KITLG: variants seen among roughly 807,000 people sequenced by gnomAD.
The protein encoded by KITLG is KIT ligand.
KITLG carries 13 observed loss-of-function variants against 34.1 expected under a neutral mutation model. The observed-to-expected ratio is 0.38, with a 90% CI of 0.25 to 0.61. The LOEUF is 0.61. Ranked by LOEUF, KITLG falls within the 20% of genes least tolerant of loss-of-function variation. The probability of loss-of-function intolerance (pLI) is 0.60; values close to 1 mark genes in which losing one functional copy is unlikely to be tolerated. For missense variants in KITLG, 292 were observed against 318.9 expected (o/e 0.92, Z 0.64); for synonymous variants, 110 against 104.0 (o/e 1.06, Z -0.35).
At chr12:88,505,414 A>T (rs1242419383) in intron 8 of KITLG, among the ~76,000 whole-genome samples, 179 bp from the exon 9 acceptor site, 1 of 152,168 alleles carries the variant, frequency 6.6e-6, no homozygotes, top group Non-Finnish European at 1.5e-5. Flanking sequence ...CATTTGTCTT[A>T]AGGTAGTCTT....
At chr12:88,498,827 T>C (rs919708548) in intron 9 of KITLG, among the ~76,000 whole-genome samples, 20 of 151,890 alleles carry the variant, frequency 1.3e-4, no homozygotes, top group Non-Finnish European at 2.4e-4. Context: ...TGAGCTGAGA[T>C]CACGCCACTG....
chr12:88,509,670 A>C (rs1172862500), intron 6 of KITLG, among the ~76,000 whole-genome samples: 1 of 152,166 alleles, frequency 6.6e-6, no homozygotes, highest in Non-Finnish European at 1.5e-5. Flanking sequence ...CCCATAGGTT[A>C]CTGAGCTTCA....
intron 1 of KITLG, among the ~76,000 whole-genome samples, chr12:88,573,045 G>A (rs182146664): frequency 8.5e-5 from 13 of 152,232 alleles, no homozygotes; most frequent in East Asian, 5.8e-4. Flanking sequence ...TTTCAGAAGC[G>A]TTAAATTGTA....
chr12:88,501,395 A>G (rs1868849659), intron 9 of KITLG, among the ~76,000 whole-genome samples: 1 of 152,160 alleles, frequency 6.6e-6, no homozygotes, highest in Admixed American at 6.6e-5. Flanking sequence ...TATTTTTTAA[A>G]TGTATAATTG....
chr12:88,573,018 C>A (rs1249013019), intron 1 of KITLG, among the ~76,000 whole-genome samples: 1 of 152,132 alleles, frequency 6.6e-6, no homozygotes. Context: ...AAAAGGAAAT[C>A]CCTAATGTGT....
intron 1 of KITLG, among the ~76,000 whole-genome samples, chr12:88,572,032 A>T (rs557344007): frequency 1.3e-4 from 20 of 152,186 alleles, no homozygotes; most frequent in Non-Finnish European, 2.5e-4. Flanking sequence ...TTTTGGCATG[A>T]TCTATTATCA....
At chr12:88,535,194 A>G (rs935016560) in intron 2 of KITLG, among the ~76,000 whole-genome samples, 1 of 152,178 alleles carries the variant, frequency 6.6e-6, no homozygotes, top group African/African-American at 2.4e-5. Context: ...ATATACAAAT[A>G]TTGGTTCAAA....
rs571743718 is a variant in KITLG, at chr12:88,533,564, T to A, written c.130-1061A>T. The stretch of plus-strand genomic sequence containing the variant: ...GTCACCATTAAAATTCCCAGATGAA[T>A]AATTTAGCCAACAACTGACTTAGAC... On this transcript the variant is annotated intron_variant, in intron 2 of 9. Coordinates refer to ENST00000644744, the MANE Select transcript of KITLG (RefSeq NM_000899.5). 9.9e-5 allele frequency among the ~76,000 whole-genome samples: 15 copies of A among 152,148 alleles called. 1 individual carries two copies. The highest frequency in any genetic ancestry group is 1.8e-4 in the Non-Finnish European group (12 of 68,030).
At chr12:88,537,976 C>A (rs1163552789) in intron 2 of KITLG, among the ~76,000 whole-genome samples, 1 of 152,142 alleles carries the variant, frequency 6.6e-6, no homozygotes, top group African/African-American at 2.4e-5. Context: ...AAGTCTTGGG[C>A]AAGTCACTTC....
At position 88,495,724 on chromosome 12, in the gene KITLG, A is replaced by G. The variant is rs187728946; in HGVS notation, c.*1495T>C. The G allele has an allele frequency of 6.6e-6, 1 of 152,498 alleles. No individual in the cohort carries two copies. Among genetic ancestry groups the G allele is most frequent in the Non-Finnish European group, 1.5e-5 (1 of 68,006 alleles). 9.4% of individuals were successfully genotyped at this position (152,498 alleles called of 1,614,324 possible). A position where few individuals can be genotyped will look rare whatever the true frequency, so the allele number is the denominator to read the frequency against. ...ATGCCCTTTTGTGTCACTACATTGA[A>G]AACTGTCATCTTACGGTTGTAGAAC... On this transcript the variant is annotated 3_prime_UTR_variant, in exon 10 of 10. Transcript: ENST00000644744.
At chr12:88,533,564 T>C (rs571743718) in intron 2 of KITLG, among the ~76,000 whole-genome samples, 1 of 152,150 alleles carries the variant, frequency 6.6e-6, no homozygotes, top group Non-Finnish European at 1.5e-5. Context: ...CCCAGATGAA[T>C]AATTTAGCCA....
intron 1 of KITLG, among the ~76,000 whole-genome samples, chr12:88,569,176 G>A (rs1871558481): frequency 6.6e-6 from 1 of 152,278 alleles, no homozygotes; most frequent in East Asian, 1.9e-4. Flanking sequence ...GGGAATGCGA[G>A]CTCTGAATCC....
chr12:88,525,043 T>G (rs1051768134), intron 3 of KITLG, among the ~76,000 whole-genome samples: 4 of 152,158 alleles, frequency 2.6e-5, no homozygotes, highest in African/African-American at 9.7e-5. Flanking sequence ...TCCCCAAAAT[T>G]GGTATTGATC....
At chr12:88,502,017 C>A (rs1417795069) in intron 9 of KITLG, among the ~76,000 whole-genome samples, 1 of 152,092 alleles carries the variant, frequency 6.6e-6, no homozygotes, top group Non-Finnish European at 1.5e-5. Flanking sequence ...CATATGAAAT[C>A]TATTTAGAGG....
intron 1 of KITLG, among the ~76,000 whole-genome samples, chr12:88,574,158 G>T (rs1294472950): frequency 6.6e-6 from 1 of 151,528 alleles, no homozygotes; most frequent in Admixed American, 6.6e-5. Context: ...GATTAGAGAA[G>T]AACATTATCT....
intron 4 of KITLG, 42 bp from the exon 5 acceptor site, chr12:88,516,532 G>A (rs1218722855): frequency 7.5e-7 from 1 of 1,336,274 alleles, no homozygotes; most frequent in Non-Finnish European, 1.1e-6. Flanking sequence ...ATAGTCTTCA[G>A]ACTTAACTGA....
chr12:88,501,234 T>C (rs966645171), intron 9 of KITLG, among the ~76,000 whole-genome samples: 2 of 152,230 alleles, frequency 1.3e-5, no homozygotes, highest in African/African-American at 4.8e-5. Context: ...ATGTTCTCTA[T>C]TCTAGTGTTC....
At chr12:88,579,065 C>T (rs748167304) in intron 1 of KITLG, among the ~76,000 whole-genome samples, 5 of 152,148 alleles carry the variant, frequency 3.3e-5, no homozygotes, top group African/African-American at 7.2e-5. Flanking sequence ...CAGGCAATGT[C>T]CCTTTCCCCT....
At chr12:88,557,454 A>G (rs553326761) in intron 1 of KITLG, among the ~76,000 whole-genome samples, 2 of 152,280 alleles carry the variant, frequency 1.3e-5, no homozygotes, top group East Asian at 1.9e-4. Flanking sequence ...AGCAGAGGGG[A>G]AAAAAATCCC....
Sources: gnomAD v4.1 joint callset for allele counts (sites outside exome capture counted in the v4.1 genomes callset) on GRCh38, gnomAD v4.1.1 for gene constraint, MANE v1.5 for transcripts, NCBI Gene and HGNC (gene_info 2026-07-23, HGNC 2026-07-21) for gene names.